Variants in CEP89 observed in about 807,000 individuals in gnomAD.
The protein encoded by CEP89 is centrosomal protein of 89 kDa.
CEP89 carries 95 observed loss-of-function variants against 97.6 expected under a neutral mutation model. The observed-to-expected ratio is 0.97, with a 90% CI of 0.82 to 1.15. The LOEUF (loss-of-function observed/expected upper bound fraction) is 1.15. Ranked by LOEUF, CEP89 falls within the 50% of genes most tolerant of loss-of-function variation. The pLI, the probability that CEP89 is intolerant of heterozygous loss-of-function variation, is 0.00. For synonymous variants in CEP89, 354 were observed against 349.1 expected (o/e 1.01, Z -0.16); for missense variants, 869 against 947.7 (o/e 0.92, Z 1.09).
chr19:32,909,875 T>C (rs1361614531), intron 14 of CEP89, among the ~76,000 whole-genome samples: 5 of 152,076 alleles, frequency 3.3e-5, no homozygotes, highest in African/African-American at 1.2e-4. Context: ...TCTGAAGACC[T>C]TGGTGGATTC....
chr19:32,909,764 G>A (rs898253788), intron 14 of CEP89, among the ~76,000 whole-genome samples: 2 of 152,150 alleles, frequency 1.3e-5, no homozygotes, highest in Non-Finnish European at 2.9e-5. Flanking sequence ...AGAAGTGGAG[G>A]ACCCATCCAG....
chr19:32,950,542 G>A (rs933704013), intron 4 of CEP89, among the ~76,000 whole-genome samples: 1 of 152,172 alleles, frequency 6.6e-6, no homozygotes, highest in African/African-American at 2.4e-5. Context: ...TGTGCAATAA[G>A]AGTGAAACTC....
chr19:32,956,296 C>T (rs772193755), intron 3 of CEP89, among the ~76,000 whole-genome samples: 28 of 151,630 alleles, frequency 1.8e-4, no homozygotes, highest in Non-Finnish European at 3.2e-4. Context: ...CCTCGTGATC[C>T]GTCCATCTCG....
intron 14 of CEP89, among the ~76,000 whole-genome samples, chr19:32,907,731 C>T (rs762244356): frequency 1.3e-5 from 2 of 152,160 alleles, no homozygotes; most frequent in Non-Finnish European, 2.9e-5. Flanking sequence ...GGATTATAGG[C>T]GCATGCCACC....
intron 5 of CEP89, among the ~76,000 whole-genome samples, chr19:32,945,596 C>T (rs1970781133): frequency 1.3e-5 from 2 of 152,346 alleles, no homozygotes; most frequent in Admixed American, 1.3e-4. Flanking sequence ...TGGAGAGACG[C>T]TGGAGGAGCT....
chr19:32,892,306 CT>C (rs56710630), intron 16 of CEP89, among the ~76,000 whole-genome samples: 8 of 131,254 alleles, frequency 6.1e-5, no homozygotes, highest in African/African-American at 1.7e-4. Flanking sequence ...TTTCTTTTTC[CT>C]TTTTTTTTCT....
Position 32,882,019 on chromosome 19 carries a change from CG to C in CEP89, c.1966-7del. On this transcript the variant is annotated splice_region_variant and splice_polypyrimidine_tract_variant and intron_variant, in intron 17 of 18. Transcript: ENST00000305768. ...GCTGCCTGCTTCTTGTAGCCCTGGT[CG>C]GGGGAAGGACTCTGTGAATGAGGGG... 1 of 1,559,308 alleles carries C rather than the reference CG, an allele frequency of 6.4e-7. No homozygotes were observed.
chr19:32,956,200 C>T (rs1310140898), intron 3 of CEP89, among the ~76,000 whole-genome samples: 4 of 151,042 alleles, frequency 2.6e-5, no homozygotes, highest in Non-Finnish European at 4.4e-5. Flanking sequence ...GGACTACAGG[C>T]GCCCGCCACC....
At chr19:32,899,131 A>ATTTCCC (rs377046778) in intron 16 of CEP89, among the ~76,000 whole-genome samples, 1 of 143,214 alleles carries the variant, frequency 7.0e-6, no homozygotes, top group Non-Finnish European at 1.5e-5. Flanking sequence ...TTTAATTAGC[A>ATTTCCC]TTTTTTTTTT....
rs45470694 is a variant in CEP89 at position 32,881,950 on chromosome 19, C to T, written c.2029G>A (p.Glu677Lys). ...TGGGCTGTCTTGCCGGCGAAGTCCTCCTGCTGCTCCAGCAGACGGTGACTG... is the reference window on the plus strand; with the variant it reads ...TGGGCTGTCTTGCCGGCGAAGTCCTTCTGCTGCTCCAGCAGACGGTGACTG... ...DISHRLLEQQ[E>K]DFAGKTAQYR... Residue 677 changes from glutamate (E) to lysine (K), a missense_variant, in exon 18 of 19, where the codon GAG becomes AAG. Physicochemically the swap from Glu to Lys is moderately conservative, Grantham distance 56. Transcript: ENST00000305768. The T allele has an allele frequency of 1.4e-5, 22 of 1,596,406 alleles. No individual in the cohort carries two copies. The highest frequency in any genetic ancestry group is 1.9e-5 in the Non-Finnish European group (22 of 1,172,184).
intron 10 of CEP89, 80 bp downstream of exon 10, chr19:32,926,854 G>A (rs1228971303): frequency 5.6e-6 from 7 of 1,247,566 alleles, no homozygotes; most frequent in East Asian, 4.8e-5. Context: ...GAGCCACCGC[G>A]CCTGGCCTGA....
At chr19:32,948,682 C>T (rs919484176) in intron 4 of CEP89, among the ~76,000 whole-genome samples, 1 of 152,114 alleles carries the variant, frequency 6.6e-6, no homozygotes, top group Non-Finnish European at 1.5e-5. Context: ...CAGGGACCAC[C>T]CAATGCCACT....
At chr19:32,949,384 C>CT (rs1014637282) in intron 4 of CEP89, among the ~76,000 whole-genome samples, 43 of 145,940 alleles carry the variant, frequency 2.9e-4, no homozygotes, top group African/African-American at 4.2e-4. Flanking sequence ...TGAAGCAGGT[C>CT]TTTTTTTTTT....
intron 4 of CEP89, among the ~76,000 whole-genome samples, chr19:32,950,666 A>C (rs142446614): frequency 4.1e-4 from 63 of 152,344 alleles, no homozygotes; most frequent in Non-Finnish European, 6.9e-4. Context: ...GACCATACAC[A>C]TACCATTCCT....
At chr19:32,891,439 C>T (rs945500379) in intron 16 of CEP89, among the ~76,000 whole-genome samples, 1 of 152,086 alleles carries the variant, frequency 6.6e-6, no homozygotes, top group South Asian at 2.1e-4. Flanking sequence ...AATGAAAGGA[C>T]ATAATAAACA....
chr19:32,881,920 G>C lies in CEP89; in HGVS notation c.2059C>G (p.Arg687Gly), dbSNP rs370350519. 6.2e-7 allele frequency: 1 copy of C among 1,605,066 alleles called. No homozygotes were observed. The highest frequency in any genetic ancestry group is 8.5e-7 in the Non-Finnish European group (1 of 1,177,310). Reference protein sequence around the residue: ...EDFAGKTAQYRQEMRHLHQVL... With the variant: ...EDFAGKTAQYGQEMRHLHQVL... ...TGGTGCAGGTGCCGCATCTCCTGCC[G>C]GTACTGGGCTGTCTTGCCGGCGAAG... Residue 687 changes from arginine (R) to glycine (G), a missense_variant, in exon 18 of 19, where the codon CGG (arginine) becomes GGG (glycine). By Grantham distance (125) the Arg-to-Gly change is moderately radical. Transcript: ENST00000305768.
At chr19:32,955,065 G>T (rs55866080) in intron 3 of CEP89, among the ~76,000 whole-genome samples, 4,221 of 151,828 alleles carry the variant, frequency 0.028, 210 homozygotes, top group African/African-American at 0.098. Flanking sequence ...GCTTACTGCA[G>T]CATCCACCTC....
rs1265611858 is a variant in CEP89, at chr19:32,886,130, T to G, written c.1965+1622A>C. On this transcript the variant is annotated intron_variant, in intron 17 of 18. Coordinates refer to ENST00000305768, the MANE Select transcript of CEP89 (RefSeq NM_032816.5). Reference sequence around the variant, plus strand: ...CTGTCTCTCCAGCTATCTCCAGCTCTCTAGCCAGCTACCTAGTGGTTCACT... The same window carrying G: ...CTGTCTCTCCAGCTATCTCCAGCTCGCTAGCCAGCTACCTAGTGGTTCACT... Among the ~76,000 whole-genome samples, 12 of 152,210 alleles carry G rather than the reference T, an allele frequency of 7.9e-5. 1 individual carries two copies. The highest frequency in any genetic ancestry group is 7.9e-4 in the Admixed American group (12 of 15,274).
At chr19:32,899,131 A>ATTGCC (rs1555788863) in intron 16 of CEP89, among the ~76,000 whole-genome samples, 1 of 143,214 alleles carries the variant, frequency 7.0e-6, no homozygotes, top group Non-Finnish European at 1.5e-5. Context: ...TTTAATTAGC[A>ATTGCC]TTTTTTTTTT....
Sources: allele counts gnomAD v4.1 joint callset (sites outside exome capture counted in the v4.1 genomes callset), GRCh38; gene constraint gnomAD v4.1.1; transcripts MANE v1.5; gene names NCBI Gene and HGNC (gene_info 2026-07-23, HGNC 2026-07-21).